Variants in NKAIN2 observed in about 807,000 individuals in gnomAD.
The protein encoded by NKAIN2 is sodium/potassium transporting ATPase interacting 2, also known as sodium/potassium-transporting ATPase subunit beta-1-interacting protein 2.
In NKAIN2, 14 loss-of-function variants were observed where a neutral mutation model predicts 32.6. That is an observed-to-expected ratio of 0.43 (90% CI 0.28 to 0.67). The LOEUF (loss-of-function observed/expected upper bound fraction) is 0.67. NKAIN2 is among the 30% of genes least tolerant of loss of function. The probability of loss-of-function intolerance (pLI) is 0.17; values close to 1 mark genes in which losing one functional copy is unlikely to be tolerated. For missense variants in NKAIN2, 198 were observed against 258.3 expected (o/e 0.77, Z 1.60); for synonymous variants, 80 against 87.2 (o/e 0.92, Z 0.46).
chr6:124,514,527 T>A (rs1778832441), intron 3 of NKAIN2, among the ~76,000 whole-genome samples: 1 of 152,178 alleles, frequency 6.6e-6, no homozygotes, highest in Non-Finnish European at 1.5e-5. Context: ...TTTCAATAAG[T>A]TCTTCATGTG....
chr6:124,311,133 C>T (rs1024711274), intron 2 of NKAIN2, among the ~76,000 whole-genome samples: 1 of 152,034 alleles, frequency 6.6e-6, no homozygotes, highest in Non-Finnish European at 1.5e-5. Flanking sequence ...GAGCAAAGAA[C>T]AGTGAAGATA....
At chr6:124,403,982 A>T (rs953729134) in intron 3 of NKAIN2, among the ~76,000 whole-genome samples, 1 of 152,172 alleles carries the variant, frequency 6.6e-6, no homozygotes, top group Non-Finnish European at 1.5e-5. Flanking sequence ...TAACTTTTCT[A>T]TCTAAAGCAC....
At chr6:124,231,622 T>G (rs1792465838) in intron 1 of NKAIN2, among the ~76,000 whole-genome samples, 1 of 152,108 alleles carries the variant, frequency 6.6e-6, no homozygotes, top group African/African-American at 2.4e-5. Flanking sequence ...TTACGAAATC[T>G]GATGTTTTAA....
At chr6:123,841,554 T>C (rs1774869774) in intron 1 of NKAIN2, among the ~76,000 whole-genome samples, 1 of 152,186 alleles carries the variant, frequency 6.6e-6, no homozygotes, top group Non-Finnish European at 1.5e-5. Context: ...CTTTCTTTTA[T>C]GACATCCATC....
intron 2 of NKAIN2, among the ~76,000 whole-genome samples, chr6:124,290,644 A>G (rs1795764686): frequency 6.7e-6 from 1 of 148,962 alleles, no homozygotes; most frequent in Non-Finnish European, 1.5e-5. Flanking sequence ...TTTTTGAATT[A>G]TACGTTGTTT....
intron 2 of NKAIN2, among the ~76,000 whole-genome samples, chr6:124,321,816 C>T (rs1160018673): frequency 2.6e-5 from 4 of 152,056 alleles, no homozygotes; most frequent in Non-Finnish European, 5.9e-5. Context: ...GGCATGGCTG[C>T]TCAGAAAATA....
At chr6:124,691,910 C>G (rs1282127476) in intron 4 of NKAIN2, among the ~76,000 whole-genome samples, 1 of 152,166 alleles carries the variant, frequency 6.6e-6, no homozygotes, top group Non-Finnish European at 1.5e-5. Context: ...TTAAGAAAAT[C>G]ACATCACTTC....
chr6:124,432,276 C>T (rs1033552632), intron 3 of NKAIN2, among the ~76,000 whole-genome samples: 2 of 152,128 alleles, frequency 1.3e-5, no homozygotes, highest in Non-Finnish European at 2.9e-5. Context: ...ATCTGTAATG[C>T]CCCTCACAGG....
intron 3 of NKAIN2, among the ~76,000 whole-genome samples, chr6:124,494,936 G>A (rs1386272595): frequency 6.6e-6 from 1 of 152,042 alleles, no homozygotes; most frequent in Non-Finnish European, 1.5e-5. Context: ...CACTAATATT[G>A]TGAAAAATAC....
intron 1 of NKAIN2, among the ~76,000 whole-genome samples, chr6:124,254,749 C>G (rs1256883370): frequency 6.6e-6 from 1 of 152,062 alleles, no homozygotes; most frequent in African/African-American, 2.4e-5. Flanking sequence ...TACTAGAACT[C>G]TAATATAGAA....
chr6:123,937,190 A>G (rs1191456942), intron 1 of NKAIN2, among the ~76,000 whole-genome samples: 1 of 152,150 alleles, frequency 6.6e-6, no homozygotes, highest in Non-Finnish European at 1.5e-5. Flanking sequence ...GCCCAAGTCT[A>G]GTCTCTGCCT....
chr6:124,227,835 A>G (rs1346920728), intron 1 of NKAIN2, among the ~76,000 whole-genome samples: 2 of 152,120 alleles, frequency 1.3e-5, no homozygotes, highest in African/African-American at 2.4e-5. Flanking sequence ...TGGTGAAGGG[A>G]GAAAAATAAA....
chr6:123,822,252 G>T (rs1237959954), intron 1 of NKAIN2, among the ~76,000 whole-genome samples: 2 of 151,646 alleles, frequency 1.3e-5, no homozygotes, highest in Non-Finnish European at 2.9e-5. Flanking sequence ...TTTATGCCTT[G>T]TTTGTGTACT....
chr6:124,116,295 A>G (rs1411498438), intron 1 of NKAIN2, among the ~76,000 whole-genome samples: 1 of 152,218 alleles, frequency 6.6e-6, no homozygotes, highest in East Asian at 1.9e-4. Flanking sequence ...GCTGTGTTGT[A>G]AAGTAGTTCA....
chr6:124,492,132 C>T (rs1777888000), intron 3 of NKAIN2, among the ~76,000 whole-genome samples: 1 of 151,786 alleles, frequency 6.6e-6, no homozygotes, highest in Non-Finnish European at 1.5e-5. Flanking sequence ...TTATAGCTCA[C>T]AGAATATTTT....
intron 4 of NKAIN2, among the ~76,000 whole-genome samples, chr6:124,737,264 C>T (rs1776994787): frequency 6.6e-6 from 1 of 151,836 alleles, no homozygotes; most frequent in African/African-American, 2.4e-5. Context: ...TGGTTACCTC[C>T]ATGCTGCTGT....
At chr6:124,804,787 C>T (rs1015023573) in intron 5 of NKAIN2, among the ~76,000 whole-genome samples, 2 of 152,196 alleles carry the variant, frequency 1.3e-5, no homozygotes, top group African/African-American at 4.8e-5. Flanking sequence ...ATCACTCCCA[C>T]CCGAATACTG....
intron 1 of NKAIN2, among the ~76,000 whole-genome samples, chr6:124,250,917 G>C (rs921945044): frequency 4.6e-5 from 7 of 151,942 alleles, no homozygotes; most frequent in Non-Finnish European, 1.0e-4. Flanking sequence ...TAAGGACTTG[G>C]TATCATCTGA....
chr6:124,516,566 ATGT>A (rs1288261888), intron 3 of NKAIN2, among the ~76,000 whole-genome samples: 37 of 152,184 alleles, frequency 2.4e-4, no homozygotes. Flanking sequence ...GATTATTGTT[ATGT>A]TATTAGGGAA....
Sources: gnomAD v4.1 joint callset for allele counts (sites outside exome capture counted in the v4.1 genomes callset) on GRCh38, gnomAD v4.1.1 for gene constraint, MANE v1.5 for transcripts, NCBI Gene and HGNC (gene_info 2026-07-23, HGNC 2026-07-21) for gene names.